Variants in WWC2 observed in about 807,000 individuals in gnomAD.
WWC2 encodes WW and C2 domain containing 2.
Under a neutral mutation model 138.5 loss-of-function variants are expected in WWC2, and 101 were observed. The observed-to-expected ratio is 0.73, with a 90% CI of 0.62 to 0.86. The LOEUF (loss-of-function observed/expected upper bound fraction) is 0.86. WWC2 is among the 40% of genes least tolerant of loss of function. WWC2 has a pLI of 0.00. For synonymous variants in WWC2, 558 were observed against 538.4 expected (o/e 1.04, Z -0.50); for missense variants, 1,420 against 1,419.4 (o/e 1.00, Z -0.01).
At chr4:183,126,004 A>G (rs1214459086) in intron 1 of WWC2, among the ~76,000 whole-genome samples, 2 of 152,228 alleles carry the variant, frequency 1.3e-5, no homozygotes, top group East Asian at 1.9e-4. Flanking sequence ...TCTGCCATGC[A>G]TGTAGATGCA....
intron 6 of WWC2, among the ~76,000 whole-genome samples, chr4:183,246,027 G>A (rs923451340): frequency 4.6e-5 from 7 of 152,168 alleles, no homozygotes; most frequent in African/African-American, 9.7e-5. Flanking sequence ...AGGGTGGGGC[G>A]GGGAGTGCTG....
rs567358419 is a variant in WWC2 at position 183,175,966 on chromosome 4, A to G, written c.132-17633A>G. ...CAGCCCACCTCACTTCACCTTGCAT[A>G]CTTTGCCAGCGTTCAGCCTCATGAC... On this transcript the variant is annotated intron_variant, in intron 1 of 22. Transcript: ENST00000403733. 2.6e-5 allele frequency among the ~76,000 whole-genome samples: 4 copies of G among 152,358 alleles called. No homozygotes were observed. The East Asian group carries it at 7.7e-4, about 29-fold the overall frequency.
chr4:183,284,450 G>GAAGA, intron 19 of WWC2, 60 bp downstream of exon 19: 3 of 1,583,364 alleles, frequency 1.9e-6, no homozygotes, highest in Non-Finnish European at 2.6e-6. Context: ...TGCTGGTAGG[G>GAAGA]AGTGGCCTGC....
At chr4:183,126,643 A>G (rs879376044) in intron 1 of WWC2, among the ~76,000 whole-genome samples, 5 of 152,250 alleles carry the variant, frequency 3.3e-5, no homozygotes, top group Non-Finnish European at 5.9e-5. Flanking sequence ...ATTAGTTTTT[A>G]CATCAAACCT....
At chr4:183,192,965 GA>G (rs1735033364) in intron 1 of WWC2, among the ~76,000 whole-genome samples, 1 of 152,074 alleles carries the variant, frequency 6.6e-6, no homozygotes, top group African/African-American at 2.4e-5. Flanking sequence ...GCGTCTTAAA[GA>G]AAAAAATGGT....
At chr4:183,260,495 T>G (rs1199541737) in intron 10 of WWC2, among the ~76,000 whole-genome samples, 2 of 152,254 alleles carry the variant, frequency 1.3e-5, no homozygotes. Flanking sequence ...ATTGTAATAC[T>G]GTATTTTTAC....
chr4:183,139,917 ATCC>A (rs1169301333), intron 1 of WWC2, among the ~76,000 whole-genome samples: 2 of 152,216 alleles, frequency 1.3e-5, no homozygotes, highest in Admixed American at 1.3e-4. Context: ...GGTGCAAGCA[ATCC>A]TCCTGCTTCA....
intron 1 of WWC2, among the ~76,000 whole-genome samples, chr4:183,113,019 T>C (rs1732286263): frequency 6.6e-6 from 1 of 152,100 alleles, no homozygotes; most frequent in Non-Finnish European, 1.5e-5. Context: ...ATGCGTGTAA[T>C]CCCAGCACTT....
chr4:183,244,906 G>T (rs1736723660), intron 5 of WWC2, among the ~76,000 whole-genome samples: 1 of 152,096 alleles, frequency 6.6e-6, no homozygotes, highest in African/African-American at 2.4e-5. Flanking sequence ...ACATGCGTTT[G>T]TTTGAGCCCA....
At chr4:183,181,500 A>G (rs1191046746) in intron 1 of WWC2, among the ~76,000 whole-genome samples, 4 of 152,218 alleles carry the variant, frequency 2.6e-5, no homozygotes, top group African/African-American at 9.6e-5. Context: ...ATAAACAGAT[A>G]ACCTAAACTT....
At chr4:183,279,719 C>G (rs1021184709) in intron 16 of WWC2, among the ~76,000 whole-genome samples, 1 of 151,918 alleles carries the variant, frequency 6.6e-6, no homozygotes, top group Non-Finnish European at 1.5e-5. Context: ...GTGTATGTGT[C>G]GAGGAATTTA....
chr4:183,119,213 G>A (rs964773497), intron 1 of WWC2, among the ~76,000 whole-genome samples: 6 of 152,142 alleles, frequency 3.9e-5, no homozygotes, highest in Non-Finnish European at 1.5e-5. Context: ...TGGCCCTGCC[G>A]TTAAGATGAA....
intron 1 of WWC2, among the ~76,000 whole-genome samples, chr4:183,100,011 G>A (rs1743117742): frequency 6.6e-6 from 1 of 152,234 alleles, no homozygotes; most frequent in Admixed American, 6.5e-5. Context: ...CTCACTGCCA[G>A]TTGGGGAACG....
chr4:183,312,863 A>G (rs1310412320), intron 22 of WWC2, among the ~76,000 whole-genome samples: 1 of 152,218 alleles, frequency 6.6e-6, no homozygotes, highest in Non-Finnish European at 1.5e-5. Context: ...GGCTAAGAAC[A>G]TGTGCATTCG....
At chr4:183,130,187 G>A (rs1434951398) in intron 1 of WWC2, among the ~76,000 whole-genome samples, 1 of 151,886 alleles carries the variant, frequency 6.6e-6, no homozygotes, top group African/African-American at 2.4e-5. Flanking sequence ...CAAGTAGCTG[G>A]GACTACAGGC....
rs1393542882 is a variant in WWC2 at position 183,269,104 on chromosome 4, C to T, written c.2341C>T (p.Gln781Ter). 1.2e-6 allele frequency: 2 copies of T among 1,613,934 alleles called. No homozygotes were observed. The change falls in exon 15 of 23, where the codon CAG becomes TAG. Residue 781 changes from glutamine to a stop codon, truncating the protein, a stop_gained. Transcript: ENST00000403733. LOFTEE classifies it high-confidence loss of function. ...CGCCATTTCCCAAACAGCCTTACAA[C>T]AGAAGACACTGAGGGTAGACCTTTG... ...RVAISQTALQ[Q>*]KTLRVDLCSV...
intron 1 of WWC2, among the ~76,000 whole-genome samples, chr4:183,188,172 A>C (rs6552653): frequency 0.99 from 150,752 of 152,274 alleles, 74,645 homozygotes; most frequent in East Asian, 1. Flanking sequence ...AGATGTTGCC[A>C]AGTCTATTTT....
At chr4:183,185,528 C>G (rs545969910) in intron 1 of WWC2, among the ~76,000 whole-genome samples, 99 of 152,212 alleles carry the variant, frequency 6.5e-4, no homozygotes, top group Non-Finnish European at 1.1e-3. Flanking sequence ...AGGCACATAC[C>G]CATGATGTAT....
intron 1 of WWC2, among the ~76,000 whole-genome samples, chr4:183,101,196 C>T (rs1743169856): frequency 6.6e-6 from 1 of 152,152 alleles, no homozygotes; most frequent in African/African-American, 2.4e-5. Context: ...TCTAGGTTCT[C>T]TTCTTCGGTT....
Sources: allele counts gnomAD v4.1 joint callset (sites outside exome capture counted in the v4.1 genomes callset), GRCh38; gene constraint gnomAD v4.1.1; transcripts MANE v1.5; gene names NCBI Gene and HGNC (gene_info 2026-07-23, HGNC 2026-07-21).